PIWIL2: variants seen among roughly 807,000 people sequenced by gnomAD.
PIWIL2 encodes the protein piwi like RNA-mediated gene silencing 2.
In PIWIL2, 81 loss-of-function variants were observed where a neutral mutation model predicts 116.5. The ratio of observed to expected loss-of-function variants is 0.70; its 90% CI spans 0.58 to 0.84. The LOEUF (loss-of-function observed/expected upper bound fraction) is 0.84, where lower values mean the gene tolerates loss of function less well. Ranked by LOEUF, PIWIL2 falls within the 40% of genes least tolerant of loss-of-function variation. The probability of loss-of-function intolerance (pLI) is 0.00; values close to 1 mark genes in which losing one functional copy is unlikely to be tolerated. For missense variants in PIWIL2, 1,272 were observed against 1,212.3 expected (o/e 1.05, Z -0.73); for synonymous variants, 489 against 429.5 (o/e 1.14, Z -1.71).
At chr8:22,320,409 C>T (rs775450144) in intron 20 of PIWIL2, among the ~76,000 whole-genome samples, 6 of 149,522 alleles carry the variant, frequency 4.0e-5, no homozygotes, top group Non-Finnish European at 8.9e-5. Context: ...CTGGGATTAC[C>T]TGCATGTGCC....
At chr8:22,325,283 G>C (rs1386817843) in intron 20 of PIWIL2, among the ~76,000 whole-genome samples, 1 of 152,156 alleles carries the variant, frequency 6.6e-6, no homozygotes, top group African/African-American at 2.4e-5. Context: ...CTCTGGCCCT[G>C]TTGAGTGTGA....
chr8:22,309,879 C>G (rs1475123494), intron 14 of PIWIL2, 82 bp from the exon 15 acceptor site: 1 of 762,742 alleles, frequency 1.3e-6, no homozygotes, highest in Non-Finnish European at 2.3e-6. Context: ...TGGAGCTGAG[C>G]AGGCCTTATA....
intron 20 of PIWIL2, among the ~76,000 whole-genome samples, chr8:22,336,240 A>G (rs1190115599): frequency 6.6e-6 from 1 of 152,194 alleles, no homozygotes; most frequent in Non-Finnish European, 1.5e-5. Flanking sequence ...AGGCTATAAA[A>G]CAAGGCTCAA....
At chr8:22,290,385 A>T in intron 10 of PIWIL2, 39 bp downstream of exon 10, 2 of 1,225,948 alleles carry the variant, frequency 1.6e-6, no homozygotes, top group Admixed American at 3.5e-5. Context: ...CATGCTGATG[A>T]TTTTCTGAAA....
intron 20 of PIWIL2, among the ~76,000 whole-genome samples, chr8:22,333,577 A>G (rs1366219504): frequency 1.3e-5 from 2 of 151,958 alleles, no homozygotes; most frequent in Non-Finnish European, 2.9e-5. Context: ...ACGCCATTCA[A>G]CTCCAGCCTG....
At chr8:22,301,386 C>T (rs1217611443) in intron 10 of PIWIL2, among the ~76,000 whole-genome samples, 1 of 151,834 alleles carries the variant, frequency 6.6e-6, no homozygotes, top group Non-Finnish European at 1.5e-5. Flanking sequence ...GTAGCCTCTG[C>T]CTCCTGGGCT....
At chr8:22,301,370 C>T (rs901677534) in intron 10 of PIWIL2, among the ~76,000 whole-genome samples, 1 of 152,070 alleles carries the variant, frequency 6.6e-6, no homozygotes, top group Admixed American at 6.6e-5. Context: ...GCCATCTCAG[C>T]TCACGGTAGC....
rs1175854652 is a variant in PIWIL2, at chr8:22,288,317, A to AAG, written c.862-224_862-223insGA. On this transcript the variant is annotated intron_variant, in intron 7 of 22. Transcript: ENST00000356766. ...TGTCTCCAAAAAAAAAAAAAAAAAA[A>AAG]ATTGCAAATGTAAACTTGGTTGGAA... Among the ~76,000 whole-genome samples the AAG allele has an allele frequency of 1.3e-4, 19 of 151,858 alleles. No individual in the cohort carries two copies. In the East Asian group the frequency reaches 2.3e-3, roughly 19 times the overall value.
chr8:22,355,280 G>T, intron 22 of PIWIL2, 69 bp from the exon 23 acceptor site: 1 of 1,486,842 alleles, frequency 6.7e-7, no homozygotes. Context: ...CGTGACTATT[G>T]TATTGTATTG....
intron 20 of PIWIL2, among the ~76,000 whole-genome samples, chr8:22,327,747 T>A (rs1204383174): frequency 6.6e-6 from 1 of 152,218 alleles, no homozygotes; most frequent in Admixed American, 6.5e-5. Context: ...ACATCCTTCA[T>A]GTGCTTGTTG....
intron 15 of PIWIL2, 28 bp from the exon 16 acceptor site, chr8:22,311,084 A>C: frequency 6.4e-7 from 1 of 1,554,026 alleles, no homozygotes; most frequent in Non-Finnish European, 8.7e-7. Flanking sequence ...AATTGTGAGA[A>C]ATACTAAAAG....
chr8:22,342,309 T>C (rs1486559346), intron 20 of PIWIL2, among the ~76,000 whole-genome samples: 1 of 152,172 alleles, frequency 6.6e-6, no homozygotes, highest in African/African-American at 2.4e-5. Context: ...ATCAACAAAC[T>C]TGATTTTAAG....
At chr8:22,298,142 A>G (rs979153720) in intron 10 of PIWIL2, among the ~76,000 whole-genome samples, 3 of 152,114 alleles carry the variant, frequency 2.0e-5, no homozygotes, top group Non-Finnish European at 4.4e-5. Flanking sequence ...CTGTTATCCC[A>G]GCTACTCGGG....
intron 20 of PIWIL2, among the ~76,000 whole-genome samples, chr8:22,342,320 G>A (rs916887789): frequency 6.6e-6 from 1 of 152,144 alleles, no homozygotes; most frequent in South Asian, 2.1e-4. Flanking sequence ...TGATTTTAAG[G>A]TTTAAGGATA....
chr8:22,291,766 C>T (rs1463535613), intron 10 of PIWIL2, among the ~76,000 whole-genome samples: 2 of 152,218 alleles, frequency 1.3e-5, no homozygotes, highest in East Asian at 3.9e-4. Flanking sequence ...CAGTTATGAA[C>T]CAGAGTCTTA....
intron 20 of PIWIL2, among the ~76,000 whole-genome samples, chr8:22,337,071 A>C (rs915350010): frequency 6.6e-6 from 1 of 152,154 alleles, no homozygotes; most frequent in African/African-American, 2.4e-5. Context: ...ATAAGAAACC[A>C]GTTTTGTTTT....
At chr8:22,319,040 G>C (rs1265103332) in intron 20 of PIWIL2, among the ~76,000 whole-genome samples, 1 of 152,196 alleles carries the variant, frequency 6.6e-6, no homozygotes, top group Non-Finnish European at 1.5e-5. Flanking sequence ...CTATAATTAA[G>C]CTGATACTGG....
intron 9 of PIWIL2, 145 bp from the exon 10 acceptor site, chr8:22,290,088 A>G (rs1830724920): frequency 1.4e-6 from 1 of 699,452 alleles, no homozygotes; most frequent in Non-Finnish European, 2.5e-6. Context: ...GTAAGTTTGC[A>G]ATAATGTCAA....
At chr8:22,330,697 AAAATAAAT>A (rs3992768) in intron 20 of PIWIL2, among the ~76,000 whole-genome samples, 1,947 of 137,136 alleles carry the variant, frequency 0.014, 44 homozygotes, top group African/African-American at 0.039. Context: ...ACTCTGTCTC[AAAATAAAT>A]AAATAAATAA....
Sources: gnomAD v4.1 joint callset for allele counts (sites outside exome capture counted in the v4.1 genomes callset) on GRCh38, gnomAD v4.1.1 for gene constraint, MANE v1.5 for transcripts, NCBI Gene and HGNC (gene_info 2026-07-23, HGNC 2026-07-21) for gene names.